The following COG6 variants were observed in gnomAD, a reference collection of about 807,000 sequenced individuals.
COG6 encodes conserved oligomeric Golgi complex subunit 6.
Under a neutral mutation model 88.8 loss-of-function variants are expected in COG6, and 74 were observed. The observed-to-expected ratio is 0.83, with a 90% CI of 0.69 to 1.01. The LOEUF is 1.01. Ranked by LOEUF, COG6 falls within the 50% of genes least tolerant of loss-of-function variation. The pLI is 0.00. For synonymous variants in COG6, 286 were observed against 278.7 expected (o/e 1.03, Z -0.26); for missense variants, 800 against 797.9 (o/e 1.00, Z -0.03).
intron 4 of COG6, among the ~76,000 whole-genome samples, chr13:39,665,768 T>A (rs1250373045): frequency 1.3e-5 from 2 of 152,258 alleles, no homozygotes; most frequent in East Asian, 3.8e-4. Context: ...ACTTGTCTCC[T>A]GCTCAGTAGT....
intron 12 of COG6, among the ~76,000 whole-genome samples, chr13:39,697,594 T>C (rs1334223951): frequency 6.6e-6 from 1 of 151,996 alleles, no homozygotes; most frequent in East Asian, 1.9e-4. Context: ...CCAAGCTATT[T>C]AAGAGAACTC....
intron 12 of COG6, among the ~76,000 whole-genome samples, chr13:39,699,251 G>A (rs970201498): frequency 6.6e-6 from 1 of 151,538 alleles, no homozygotes; most frequent in Non-Finnish European, 1.5e-5. Context: ...TCTGACCCAC[G>A]GTTTTGCTAA....
At chr13:39,776,562 T>A (rs185832856) in intron 18 of COG6, among the ~76,000 whole-genome samples, 3 of 152,152 alleles carry the variant, frequency 2.0e-5, no homozygotes, top group Admixed American at 2.0e-4. Context: ...CTTTGGAAAA[T>A]GAAGGAGAAC....
Position 39,668,498 on chromosome 13 carries a change from A to G in COG6, c.428+3344A>G, listed in dbSNP as rs536604093. Among the ~76,000 whole-genome samples, 447 of 152,292 alleles carry G rather than the reference A, an allele frequency of 2.9e-3. 2 individuals carry two copies. The highest frequency in any genetic ancestry group is 6.8e-3 in the Middle Eastern group (2 of 294). On this transcript the variant is annotated intron_variant, in intron 4 of 18. Transcript: ENST00000455146. ...TAATTATAGATTCACATGCAGTTGT[A>G]AGAAACAAGGCCGGGCGCCGTAGCT... is the stretch of plus-strand genomic sequence containing the variant.
intron 13 of COG6, among the ~76,000 whole-genome samples, chr13:39,703,209 CT>C (rs1312875116): frequency 2.6e-5 from 4 of 152,040 alleles, no homozygotes; most frequent in African/African-American, 9.7e-5. Flanking sequence ...TTCCTCAAAT[CT>C]ACCATACTAC....
At chr13:39,745,786 A>T (rs1292580221) in intron 18 of COG6, among the ~76,000 whole-genome samples, 2 of 152,182 alleles carry the variant, frequency 1.3e-5, no homozygotes, top group African/African-American at 4.8e-5. Context: ...ATGCACACGT[A>T]TGTTTATTGA....
chr13:39,711,351 A>T lies in COG6; in HGVS notation c.1285-7885A>T, dbSNP rs1878227790. On this transcript the variant is annotated intron_variant, in intron 13 of 18. Transcript: ENST00000455146. The stretch of plus-strand genomic sequence containing the variant: ...GCACCTTATCATAGATTCCCTACAG[A>T]AGAATCTAAGAGCTACAGCATCCTC... Among the ~76,000 whole-genome samples the T allele has an allele frequency of 3.3e-5, 5 of 152,208 alleles. No individual in the cohort carries two copies. In the South Asian group the frequency reaches 1.0e-3, roughly 31 times the overall value.
intron 18 of COG6, among the ~76,000 whole-genome samples, chr13:39,747,340 G>A (rs3000486): frequency 1 from 151,850 of 152,330 alleles, 75,689 homozygotes; most frequent in Non-Finnish European, 1. Flanking sequence ...ACTCAGACTC[G>A]CTTCAGAGAA....
intron 7 of COG6, 28 bp from the exon 8 acceptor site, chr13:39,682,143 A>C (rs971774551): frequency 2.0e-6 from 3 of 1,507,996 alleles, no homozygotes; most frequent in Admixed American, 3.3e-5. Flanking sequence ...TGAATTTAAC[A>C]AAAGTTATAA....
In COG6 at chr13:39,751,002, A is replaced by T. The variant is rs143645489; in HGVS notation, c.1883A>T (p.Tyr628Phe). The change falls in exon 19 of 19, where the codon TAT (tyrosine) becomes TTT (phenylalanine). Residue 628 changes from tyrosine (Y) to phenylalanine (F), a missense_variant. Transcript: ENST00000455146. ...GTCTGCAGAGCCTATGGTGAAGTGT[A>T]TGCAGCCGTGATGAATCCAATCAAT... ...ELVCRAYGEV[Y>F]AAVMNPINEY... The T allele has an allele frequency of 1.9e-6, 3 of 1,613,596 alleles. No individual in the cohort carries two copies. The East Asian group carries it at 6.7e-5, about 36-fold the overall frequency.
Position 39,660,837 on chromosome 13 carries a change from C to CA in COG6, c.327dup (p.Ala110SerfsTer29). The CA allele has an allele frequency of 6.2e-7, 1 of 1,610,480 alleles. No homozygotes were observed. Among genetic ancestry groups the CA allele is most frequent in the Non-Finnish European group, 8.5e-7 (1 of 1,177,282 alleles). On this transcript the variant is annotated frameshift_variant, in exon 3 of 19. Transcript: ENST00000455146. LOFTEE classifies it high-confidence loss of function. Reference sequence around the variant, plus strand: ...ACTTGAAAGCATAAGCGAAGATGTTCAAGCAATGAGCAACTGTTGTCAAGA... The same window carrying CA: ...ACTTGAAAGCATAAGCGAAGATGTTCAAAGCAATGAGCAACTGTTGTCAAGA...
At chr13:39,720,562 A>AT (rs1878797913) in intron 15 of COG6, among the ~76,000 whole-genome samples, 1 of 152,094 alleles carries the variant, frequency 6.6e-6, no homozygotes, top group Non-Finnish European at 1.5e-5. Flanking sequence ...TTCTTTTAAA[A>AT]TAAATGTATC....
intron 18 of COG6, among the ~76,000 whole-genome samples, chr13:39,733,128 G>A (rs960968769): frequency 6.6e-6 from 1 of 150,890 alleles, no homozygotes. Flanking sequence ...ATAAACGAAA[G>A]TAGAGAAGGT....
At chr13:39,772,344 A>G (rs566637809) in intron 18 of COG6, among the ~76,000 whole-genome samples, 2 of 152,294 alleles carry the variant, frequency 1.3e-5, no homozygotes, top group African/African-American at 4.8e-5. Context: ...ATTTTATTCA[A>G]TAAACATCTC....
At chr13:39,695,448 A>G (rs1406214104) in intron 12 of COG6, among the ~76,000 whole-genome samples, 1 of 151,878 alleles carries the variant, frequency 6.6e-6, no homozygotes, top group East Asian at 1.9e-4. Context: ...TTTCCAAGCC[A>G]TATTTTTGAT....
chr13:39,773,295 T>C (rs1461565339), intron 18 of COG6, among the ~76,000 whole-genome samples: 1 of 152,268 alleles, frequency 6.6e-6, no homozygotes, highest in Non-Finnish European at 1.5e-5. Flanking sequence ...CAATAGGCAC[T>C]TTCCAAATCA....
At chr13:39,698,003 A>G (rs757642662) in intron 12 of COG6, among the ~76,000 whole-genome samples, 1 of 151,994 alleles carries the variant, frequency 6.6e-6, no homozygotes, top group Non-Finnish European at 1.5e-5. Context: ...GATAATACCT[A>G]AAACTGAAAA....
chr13:39,682,842 A>G (rs1876394754), intron 8 of COG6, among the ~76,000 whole-genome samples: 1 of 151,998 alleles, frequency 6.6e-6, no homozygotes, highest in Non-Finnish European at 1.5e-5. Flanking sequence ...TTTTTATAAA[A>G]TAAAAGGTAA....
chr13:39,703,643 A>G (rs1877712583), intron 13 of COG6, among the ~76,000 whole-genome samples: 1 of 152,108 alleles, frequency 6.6e-6, no homozygotes, highest in African/African-American at 2.4e-5. Context: ...ACAAGAAAAA[A>G]CATTTAGAAT....
Sources: gnomAD v4.1 joint callset for allele counts (sites outside exome capture counted in the v4.1 genomes callset) on GRCh38, gnomAD v4.1.1 for gene constraint, MANE v1.5 for transcripts, NCBI Gene and HGNC (gene_info 2026-07-23, HGNC 2026-07-21) for gene names.